MTREX: variants seen among roughly 807,000 people sequenced by gnomAD.
MTREX encodes Mtr4 exosome RNA helicase.
A neutral mutation model predicts 135.4 loss-of-function variants in MTREX; 76 were observed. That is an observed-to-expected ratio of 0.56 (90% CI 0.47 to 0.68). MTREX has a LOEUF of 0.68. MTREX is among the 30% of genes least tolerant of loss of function. MTREX has a pLI of 0.00. For missense variants in MTREX, 920 were observed against 1,262.1 expected, an observed-to-expected ratio of 0.73 and a Z score of 4.11; for synonymous variants, 404 against 401.6, an observed-to-expected ratio of 1.01 and a Z score of -0.07.
chr5:55,379,221 T>C (rs376864119), intron 18 of MTREX, 26 bp downstream of exon 18: 34 of 1,333,266 alleles, frequency 2.6e-5, no homozygotes, highest in Non-Finnish European at 3.1e-5. Flanking sequence ...TAAATTAGAA[T>C]TGTATATCAA....
intron 22 of MTREX, among the ~76,000 whole-genome samples, chr5:55,406,142 T>G (rs1750802096): frequency 6.6e-6 from 1 of 152,190 alleles, no homozygotes. Context: ...TATTTTCTGT[T>G]TCAGTAATCT....
intron 14 of MTREX, among the ~76,000 whole-genome samples, chr5:55,355,598 A>G (rs1346056542): frequency 6.6e-6 from 1 of 152,200 alleles, no homozygotes; most frequent in East Asian, 1.9e-4. Context: ...TGCCACCAGC[A>G]TGGCCACACC....
chr5:55,353,256 A>G lies in MTREX; in HGVS notation c.1520A>G (p.Lys507Arg). 6.2e-7 allele frequency: 1 copy of G among 1,607,174 alleles called. No homozygotes were observed. The highest frequency in any genetic ancestry group is 8.5e-7 in the Non-Finnish European group (1 of 1,175,650). Residue 507 changes from lysine to arginine, a missense_variant, in exon 14 of 27, where the codon AAG (lysine) becomes AGG (arginine). Lys to Arg is a conservative substitution (Grantham distance 26, BLOSUM62 2). Transcript: ENST00000230640. ...LFTNARKFDG[K>R]DFRWISSGEY... is the part of the protein sequence containing the mutation. ...ACAAATGCCCGCAAATTTGATGGGA[A>G]GGATTTCCGATGGGTAAGTAAAGCA...
At chr5:55,388,860 G>A (rs1750521766) in intron 19 of MTREX, among the ~76,000 whole-genome samples, 1 of 152,016 alleles carries the variant, frequency 6.6e-6, no homozygotes, top group Admixed American at 6.5e-5. Flanking sequence ...GTAAAATATG[G>A]CGTATTGGAT....
At chr5:55,309,745 A>G (rs939333230) in intron 1 of MTREX, among the ~76,000 whole-genome samples, 2 of 152,144 alleles carry the variant, frequency 1.3e-5, no homozygotes. Flanking sequence ...ATATATTTGA[A>G]TATCATTTGA....
chr5:55,414,849 C>T (rs1452462753), intron 24 of MTREX, among the ~76,000 whole-genome samples: 1 of 152,104 alleles, frequency 6.6e-6, no homozygotes, highest in Non-Finnish European at 1.5e-5. Context: ...GAGGTTTCAC[C>T]ATGTTGGCCA....
At chr5:55,371,334 A>C (rs1750193673) in intron 16 of MTREX, among the ~76,000 whole-genome samples, 1 of 152,214 alleles carries the variant, frequency 6.6e-6, no homozygotes. Flanking sequence ...AGTTCTGAGC[A>C]TGGCAGTTCA....
At chr5:55,404,733 ACT>A (rs953853532) in intron 21 of MTREX, among the ~76,000 whole-genome samples, 24 of 146,116 alleles carry the variant, frequency 1.6e-4, no homozygotes, top group African/African-American at 5.8e-4. Flanking sequence ...TATCCAGCTC[ACT>A]CTCCTCCTTC....
chr5:55,368,427 G>T (rs1024095970), intron 16 of MTREX, among the ~76,000 whole-genome samples: 1 of 152,138 alleles, frequency 6.6e-6, no homozygotes, highest in African/African-American at 2.4e-5. Flanking sequence ...TTCAGCCTGG[G>T]TGACAGAGCG....
chr5:55,425,088 G>T lies in MTREX; in HGVS notation c.*316G>T. ...ACAAAGTGTGCATCCAAGAGGCATA[G>T]CAGCAGCAGAAGTCTTTAAAGGCTT... On this transcript the variant is annotated 3_prime_UTR_variant, in exon 27 of 27. Coordinates refer to ENST00000230640, the MANE Select transcript of MTREX (RefSeq NM_015360.5). 1 of 1,316,050 alleles carries T rather than the reference G, an allele frequency of 7.6e-7. No homozygotes were observed. The highest frequency in any genetic ancestry group is 1.0e-6 in the Non-Finnish European group (1 of 959,774). The allele number at this position is 1,316,050 out of a possible 1,614,324, so 81.5% of individuals were successfully genotyped here. A position where few individuals can be genotyped will look rare whatever the true frequency, so the allele number is the denominator to read the frequency against.
At chr5:55,308,953 C>T (rs1235918468) in intron 1 of MTREX, among the ~76,000 whole-genome samples, 1 of 152,072 alleles carries the variant, frequency 6.6e-6, no homozygotes, top group Non-Finnish European at 1.5e-5. Flanking sequence ...AAGGAATTTT[C>T]GGTGTAGGGA....
intron 22 of MTREX, among the ~76,000 whole-genome samples, chr5:55,409,926 G>A (rs1490216270): frequency 6.6e-6 from 1 of 152,138 alleles, no homozygotes; most frequent in African/African-American, 2.4e-5. Context: ...TAAAATGTGA[G>A]TCTTCTGGCC....
Position 55,425,013 on chromosome 5 carries a change from T to G in MTREX, c.*241T>G. On this transcript the variant is annotated 3_prime_UTR_variant, in exon 27 of 27. Transcript: ENST00000230640. ...GGTGGAAGGCTTGGAGTTTTTTTAA[T>G]GAGTTTAGAGCTATTAGATAACCAC... 2.6e-6 allele frequency: 2 copies of G among 784,074 alleles called. No individual in the cohort carries two copies. The highest frequency in any genetic ancestry group is 4.0e-6 in the Non-Finnish European group (2 of 502,988). 48.6% of individuals were successfully genotyped at this position (784,074 alleles called of 1,614,324 possible).
intron 16 of MTREX, 82 bp downstream of exon 16, chr5:55,366,957 T>A: frequency 8.4e-7 from 1 of 1,194,616 alleles, no homozygotes; most frequent in Non-Finnish European, 1.2e-6. Flanking sequence ...CTGCTTTGGC[T>A]TTTGTTTTTG....
At chr5:55,370,099 T>A (rs1750172745) in intron 16 of MTREX, among the ~76,000 whole-genome samples, 1 of 152,038 alleles carries the variant, frequency 6.6e-6, no homozygotes, top group South Asian at 2.1e-4. Context: ...AATTTTGTAT[T>A]TTTAGTAGAG....
intron 16 of MTREX, among the ~76,000 whole-genome samples, chr5:55,369,150 AGAT>A (rs1186292810): frequency 1.3e-5 from 2 of 151,974 alleles, no homozygotes; most frequent in Non-Finnish European, 2.9e-5. Context: ...AAAATAATAA[AGAT>A]GAACAAGGTT....
At chr5:55,388,858 T>C (rs986745931) in intron 19 of MTREX, among the ~76,000 whole-genome samples, 1 of 152,198 alleles carries the variant, frequency 6.6e-6, no homozygotes, top group African/African-American at 2.4e-5. Flanking sequence ...ATGTAAAATA[T>C]GGCGTATTGG....
At chr5:55,391,662 A>C (rs1418809415) in intron 19 of MTREX, among the ~76,000 whole-genome samples, 2 of 152,196 alleles carry the variant, frequency 1.3e-5, no homozygotes, top group Non-Finnish European at 2.9e-5. Flanking sequence ...TTTCTTCCTG[A>C]GGGGCCTAAA....
At chr5:55,413,982 A>T (rs983870655) in intron 23 of MTREX, among the ~76,000 whole-genome samples, 200 bp from the exon 24 acceptor site, 1 of 152,214 alleles carries the variant, frequency 6.6e-6, no homozygotes, top group South Asian at 2.1e-4. Context: ...TAATAACAGA[A>T]TATTATAATT....
Sources: allele counts gnomAD v4.1 joint callset (sites outside exome capture counted in the v4.1 genomes callset), GRCh38; gene constraint gnomAD v4.1.1; transcripts MANE v1.5; gene names NCBI Gene and HGNC (gene_info 2026-07-23, HGNC 2026-07-21).